Variants in MAF observed in about 807,000 individuals in gnomAD.
MAF encodes MAF bZIP transcription factor, also known as transcription factor Maf.
A neutral mutation model predicts 22.0 loss-of-function variants in MAF; 10 were observed. The observed-to-expected ratio is 0.45, with a 90% CI of 0.28 to 0.77. The LOEUF is 0.77. Ranked by LOEUF, MAF falls within the 30% of genes least tolerant of loss-of-function variation. The probability of loss-of-function intolerance (pLI) is 0.12; values close to 1 mark genes in which losing one functional copy is unlikely to be tolerated. For missense variants in MAF, 544 were observed against 548.4 expected (o/e 0.99, Z 0.08); for synonymous variants, 337 against 255.8 (o/e 1.32, Z -3.03).
At chr16:79,407,365 T>C in the MAF span, among the ~76,000 whole-genome samples, 2 of 152,184 alleles carry the variant, frequency 1.3e-5, no homozygotes, top group Non-Finnish European at 2.9e-5. Context: ...CCATAAAGGA[T>C]ATAACTTCAC....
At chr16:79,551,985 T>A in the MAF span, among the ~76,000 whole-genome samples, 6 of 152,214 alleles carry the variant, frequency 3.9e-5, no homozygotes, top group Non-Finnish European at 7.4e-5. Flanking sequence ...GATTTTTTTT[T>A]AATATATAGA....
chr16:79,266,137 G>C, the MAF span, among the ~76,000 whole-genome samples: 3 of 152,008 alleles, frequency 2.0e-5, no homozygotes, highest in Non-Finnish European at 4.4e-5. Context: ...ACCTCCCAAA[G>C]TGCTAGGATT....
the MAF span, among the ~76,000 whole-genome samples, chr16:79,447,440 T>C: frequency 6.6e-6 from 1 of 152,196 alleles, no homozygotes; most frequent in Non-Finnish European, 1.5e-5. Context: ...GATGTTGTTT[T>C]CATGCCTGCT....
At chr16:79,216,274 AT>A in the MAF span, among the ~76,000 whole-genome samples, 1 of 152,228 alleles carries the variant, frequency 6.6e-6, no homozygotes, top group Admixed American at 6.5e-5. Context: ...TATGTGTGCC[AT>A]ACATGTAAAA....
At chr16:79,261,846 G>T in the MAF span, among the ~76,000 whole-genome samples, 20 of 152,340 alleles carry the variant, frequency 1.3e-4, no homozygotes, top group African/African-American at 3.8e-4. Flanking sequence ...GGGGGCGTTG[G>T]GGGTGGAGGT....
the MAF span, among the ~76,000 whole-genome samples, chr16:79,382,027 C>T: frequency 6.6e-6 from 1 of 152,198 alleles, no homozygotes. Flanking sequence ...CTTCTCTTTC[C>T]TTTCCCCTGT....
the MAF span, among the ~76,000 whole-genome samples, chr16:79,549,327 G>A: frequency 1.6e-4 from 24 of 152,136 alleles, no homozygotes; most frequent in Non-Finnish European, 4.4e-5. Flanking sequence ...TTCCAGCTGG[G>A]GAAATGATAC....
chr16:79,358,061 G>T, the MAF span, among the ~76,000 whole-genome samples: 556 of 152,330 alleles, frequency 3.6e-3, 2 homozygotes, highest in African/African-American at 0.013. Context: ...GCAGGGATAT[G>T]GAAAGAACTC....
chr16:79,562,285 T>C, the MAF span, among the ~76,000 whole-genome samples: 1 of 152,174 alleles, frequency 6.6e-6, no homozygotes. Flanking sequence ...TGTGAAGCAG[T>C]ACAAAGACAT....
the MAF span, among the ~76,000 whole-genome samples, chr16:79,303,228 C>G: frequency 6.6e-6 from 1 of 152,176 alleles, no homozygotes; most frequent in Non-Finnish European, 1.5e-5. Flanking sequence ...CTCATCTTCT[C>G]TTTACACCTG....
the MAF span, among the ~76,000 whole-genome samples, chr16:79,247,149 C>T: frequency 1.2e-4 from 18 of 152,182 alleles, no homozygotes; most frequent in Admixed American, 3.3e-4. Flanking sequence ...AAGCAAGCTG[C>T]GAATGAAAAG....
chr16:79,524,655 C>T, the MAF span, among the ~76,000 whole-genome samples: 1 of 152,132 alleles, frequency 6.6e-6, no homozygotes, highest in Non-Finnish European at 1.5e-5. Context: ...TTCTGGTTTT[C>T]CTCGACAGCT....
At chr16:79,567,596 T>C in the MAF span, among the ~76,000 whole-genome samples, 2 of 152,204 alleles carry the variant, frequency 1.3e-5, no homozygotes, top group East Asian at 1.9e-4. Flanking sequence ...GGGTCAAATT[T>C]AATGAGAATT....
the MAF span, among the ~76,000 whole-genome samples, chr16:79,248,036 A>G: frequency 6.6e-6 from 1 of 152,162 alleles, no homozygotes; most frequent in East Asian, 1.9e-4. Flanking sequence ...CTCCTAACAC[A>G]TAACAGTCTT....
the MAF span, among the ~76,000 whole-genome samples, chr16:79,432,601 G>C: frequency 6.6e-6 from 1 of 152,144 alleles, no homozygotes; most frequent in East Asian, 1.9e-4. Flanking sequence ...GATAAGGGGG[G>C]AACATTGTAT....
At chr16:79,415,501 G>C in the MAF span, among the ~76,000 whole-genome samples, 1 of 152,188 alleles carries the variant, frequency 6.6e-6, no homozygotes, top group Non-Finnish European at 1.5e-5. Context: ...TGTTGGGGCA[G>C]AAGTCCCCTT....
the MAF span, among the ~76,000 whole-genome samples, chr16:79,323,580 G>A: frequency 6.6e-6 from 1 of 152,166 alleles, no homozygotes; most frequent in African/African-American, 2.4e-5. Context: ...TTTTGGAAAC[G>A]CACACGCTCC....
the MAF span, among the ~76,000 whole-genome samples, chr16:79,536,998 G>A: frequency 1.3e-5 from 2 of 152,148 alleles, no homozygotes; most frequent in Non-Finnish European, 2.9e-5. Flanking sequence ...GTATACCATA[G>A]GCTTAGACAC....
the MAF span, among the ~76,000 whole-genome samples, chr16:79,415,846 G>T: frequency 6.6e-6 from 1 of 151,930 alleles, no homozygotes; most frequent in Non-Finnish European, 1.5e-5. Flanking sequence ...CAACTCTCAA[G>T]TCACAAACCC....
Sources: allele counts gnomAD v4.1 joint callset (sites outside exome capture counted in the v4.1 genomes callset), GRCh38; gene constraint gnomAD v4.1.1; transcripts MANE v1.5; gene names NCBI Gene and HGNC (gene_info 2026-07-23, HGNC 2026-07-21).